Variants in MAST4 observed in about 807,000 individuals in gnomAD.
The protein encoded by MAST4 is microtubule-associated serine/threonine-protein kinase 4.
A neutral mutation model predicts 162.7 loss-of-function variants in MAST4; 89 were observed. The ratio of observed to expected loss-of-function variants is 0.55; its 90% CI spans 0.46 to 0.65. The LOEUF (loss-of-function observed/expected upper bound fraction) is 0.65. Ranked by LOEUF, MAST4 falls within the 30% of genes least tolerant of loss-of-function variation. The probability of loss-of-function intolerance (pLI) is 0.00; values close to 1 mark genes in which losing one functional copy is unlikely to be tolerated. For missense variants in MAST4, 3,153 were observed against 3,374.0 expected (o/e 0.93, Z 1.62); for synonymous variants, 1,479 against 1,361.1 (o/e 1.09, Z -1.91).
chr5:66,957,025 A>G (rs999409331), intron 4 of MAST4, among the ~76,000 whole-genome samples: 1 of 152,132 alleles, frequency 6.6e-6, no homozygotes, highest in Non-Finnish European at 1.5e-5. Context: ...TCTTTTGGGT[A>G]TGTTAAATTA....
At chr5:66,708,152 G>A (rs1419401094) in intron 1 of MAST4, among the ~76,000 whole-genome samples, 3 of 152,114 alleles carry the variant, frequency 2.0e-5, no homozygotes, top group Admixed American at 6.5e-5. Context: ...TCCTAGTTTC[G>A]CTGCACTGTG....
At chr5:67,026,308 C>T (rs1278416666) in intron 4 of MAST4, among the ~76,000 whole-genome samples, 2 of 152,206 alleles carry the variant, frequency 1.3e-5, no homozygotes, top group African/African-American at 4.8e-5. Flanking sequence ...AATGCTTTTA[C>T]ATGCCGTGCC....
intron 1 of MAST4, among the ~76,000 whole-genome samples, chr5:66,601,890 C>T (rs1266028542): frequency 1.3e-5 from 2 of 152,076 alleles, no homozygotes; most frequent in African/African-American, 2.4e-5. Context: ...ATAGCCTAAT[C>T]GTTCCAGAGT....
intron 1 of MAST4, among the ~76,000 whole-genome samples, chr5:66,598,901 A>G (rs966805899): frequency 2.0e-5 from 3 of 152,212 alleles, no homozygotes; most frequent in African/African-American, 7.2e-5. Context: ...GGAAGTGGAT[A>G]TAATGATAAC....
rs912549163 is a variant in MAST4 at position 66,826,562 on chromosome 5, C to A, written c.642+37768C>A. ...TGTTTTGTTTTGTTCTCCTGATGAC[C>A]CGATTTGTGTTTCAAGGGGAAAACT... is the stretch of plus-strand genomic sequence containing the variant. On this transcript the variant is annotated intron_variant, in intron 3 of 28. Coordinates refer to ENST00000403625, the MANE Select transcript of MAST4 (RefSeq NM_001164664.2). Among the ~76,000 whole-genome samples, 2 of 151,976 alleles carry A rather than the reference C, an allele frequency of 1.3e-5. 1 individual carries two copies. Among genetic ancestry groups the A allele is most frequent in the Admixed American group, 1.3e-4 (2 of 15,244 alleles).
At chr5:66,873,788 A>G (rs1241501046) in intron 3 of MAST4, among the ~76,000 whole-genome samples, 5 of 152,200 alleles carry the variant, frequency 3.3e-5, no homozygotes, top group Admixed American at 1.3e-4. Context: ...ATGTAGTCTG[A>G]GATTTTCGAC....
chr5:67,134,018 C>T (rs1462987740), intron 17 of MAST4, among the ~76,000 whole-genome samples: 1 of 152,098 alleles, frequency 6.6e-6, no homozygotes, highest in Admixed American at 6.6e-5. Flanking sequence ...CAAGCCACGG[C>T]CCATTTCCCT....
chr5:66,669,797 G>A (rs924611065), intron 1 of MAST4, among the ~76,000 whole-genome samples: 6 of 152,166 alleles, frequency 3.9e-5, no homozygotes, highest in East Asian at 3.8e-4. Context: ...GGGGTGTGGA[G>A]GAAGGAGTTT....
intron 23 of MAST4, 68 bp downstream of exon 23, chr5:67,145,447 A>T (rs1770964477): frequency 7.2e-7 from 1 of 1,397,684 alleles, no homozygotes; most frequent in Non-Finnish European, 9.9e-7. Context: ...GCTCAGTCCC[A>T]GGGCGGGCCT....
chr5:66,669,900 GC>G (rs756505660), intron 1 of MAST4, among the ~76,000 whole-genome samples: 112 of 152,306 alleles, frequency 7.4e-4, no homozygotes, highest in Middle Eastern at 6.8e-3. Context: ...GAAAAAATGG[GC>G]AAAGGCCAAG....
chr5:67,002,128 A>G (rs1467497978), intron 4 of MAST4: 1 of 152,096 alleles, frequency 6.6e-6, no homozygotes, highest in East Asian at 1.9e-4. Context: ...ATTCCCCTTG[A>G]GTTTGATTGT....
chr5:66,941,377 C>T (rs1743352898), intron 4 of MAST4, among the ~76,000 whole-genome samples: 1 of 152,184 alleles, frequency 6.6e-6, no homozygotes, highest in Admixed American at 6.6e-5. Context: ...GCAGCTTCTA[C>T]ATCAGAACTT....
intron 3 of MAST4, among the ~76,000 whole-genome samples, chr5:66,823,361 C>T (rs889152529): frequency 1.3e-4 from 20 of 152,122 alleles, no homozygotes; most frequent in Admixed American, 2.6e-4. Context: ...AGTGTTGATT[C>T]CTCATCTGTG....
chr5:66,969,090 G>A (rs982676903), intron 4 of MAST4, among the ~76,000 whole-genome samples: 1 of 152,244 alleles, frequency 6.6e-6, no homozygotes, highest in Non-Finnish European at 1.5e-5. Flanking sequence ...GTGCTTTGAA[G>A]CAATAAGAGA....
chr5:66,711,651 A>G (rs1404179951), intron 1 of MAST4, among the ~76,000 whole-genome samples: 1 of 152,152 alleles, frequency 6.6e-6, no homozygotes, highest in Non-Finnish European at 1.5e-5. Flanking sequence ...CCTGGCCAAC[A>G]TGGTGAAACC....
rs754678836 is a variant in MAST4 at position 67,163,347 on chromosome 5, A to C, written c.4168A>C (p.Thr1390Pro). Residue 1390 changes from threonine to proline, a missense_variant, in exon 29 of 29, where the codon ACC becomes CCC. By Grantham distance (38) the Thr-to-Pro change is conservative (BLOSUM62 -1). Transcript: ENST00000403625. The surrounding 1 kb of genome is among the most constrained non-coding windows in gnomAD (Gnocchi z 7.0). ...GACGCCCTCTCCAACCCCGCAACCC[A>C]CCTCCCCGCAGCGGTCACCATCCCC... ...ARTPSPTPQP[T>P]SPQRSPSPLL... The C allele has an allele frequency of 5.6e-6, 9 of 1,611,508 alleles. No homozygotes were observed. Among genetic ancestry groups the C allele is most frequent in the Non-Finnish European group, 5.9e-6 (7 of 1,179,612 alleles).
chr5:66,905,933 G>A (rs1273390979), intron 4 of MAST4, among the ~76,000 whole-genome samples: 1 of 152,148 alleles, frequency 6.6e-6, no homozygotes, highest in Non-Finnish European at 1.5e-5. Context: ...GCCTTAAAAG[G>A]TATCAGACTC....
intron 9 of MAST4, 44 bp from the exon 10 acceptor site, chr5:67,104,322 G>A (rs777824920): frequency 2.7e-5 from 39 of 1,427,904 alleles, no homozygotes; most frequent in Non-Finnish European, 3.7e-5. Context: ...TTACATGTGT[G>A]TTTCCTCGTA....
chr5:66,984,161 A>G (rs181538466), intron 4 of MAST4, among the ~76,000 whole-genome samples: 12 of 152,306 alleles, frequency 7.9e-5, no homozygotes, highest in Admixed American at 6.5e-4. Context: ...AGGAGTGACA[A>G]GTGAGCTGCA....
Sources: gnomAD v4.1 joint callset for allele counts (sites outside exome capture counted in the v4.1 genomes callset) on GRCh38, gnomAD v4.1.1 for gene constraint, Gnocchi (gnomAD v3.1) non-coding constraint, MANE v1.5 for transcripts, NCBI Gene and HGNC (gene_info 2026-07-23, HGNC 2026-07-21) for gene names.